PLCB1: variants seen among roughly 807,000 people sequenced by gnomAD.
The protein encoded by PLCB1 is 1-phosphatidylinositol 4,5-bisphosphate phosphodiesterase beta-1.
PLCB1 carries 46 observed loss-of-function variants against 161.8 expected under a neutral mutation model. That is an observed-to-expected ratio of 0.28 (90% CI 0.22 to 0.36). The LOEUF is 0.36. Ranked by LOEUF, PLCB1 falls within the 10% of genes least tolerant of loss-of-function variation. The probability of loss-of-function intolerance (pLI) is 1.00; values close to 1 mark genes in which losing one functional copy is unlikely to be tolerated. For missense variants in PLCB1, 1,016 were observed against 1,472.5 expected (o/e 0.69, Z 5.07); for synonymous variants, 517 against 503.7 (o/e 1.03, Z -0.35).
chr20:8,673,959 C>T (rs756996736), intron 9 of PLCB1, among the ~76,000 whole-genome samples: 2 of 152,090 alleles, frequency 1.3e-5, no homozygotes, highest in Non-Finnish European at 2.9e-5. Context: ...TTCCCAAGGG[C>T]GCAGTTGGCC....
At chr20:8,636,786 G>C (rs569747493) in intron 4 of PLCB1, among the ~76,000 whole-genome samples, 7 of 152,288 alleles carry the variant, frequency 4.6e-5, no homozygotes, top group African/African-American at 1.7e-4. Context: ...TCAACGCTGA[G>C]ACATAGAAAT....
chr20:8,455,101 G>A (rs1432647837), intron 3 of PLCB1, among the ~76,000 whole-genome samples: 1 of 151,394 alleles, frequency 6.6e-6, no homozygotes, highest in Non-Finnish European at 1.5e-5. Context: ...GGGAAGCCGA[G>A]GTGGGCAGAT....
At chr20:8,645,305 A>T (rs959493645) in intron 4 of PLCB1, among the ~76,000 whole-genome samples, 1 of 127,390 alleles carries the variant, frequency 7.8e-6, no homozygotes. Flanking sequence ...AATGATCAAT[A>T]AAAAAAAATA....
rs201813339 is a variant in PLCB1 at position 8,277,004 on chromosome 20, ATTATTATTATTG to A, written c.178-94374_178-94363del. Among the ~76,000 whole-genome samples, 845 of 140,096 alleles carry A rather than the reference ATTATTATTATTG, an allele frequency of 6.0e-3. 7 individuals are homozygous for A. The highest frequency in any genetic ancestry group is 0.017 in the African/African-American group (638 of 37,220). The allele number at this position is 140,096 out of a possible 152,430, so 91.9% of individuals were successfully genotyped here. ...TCTTCTTCTTATTATTATTATTATT[ATTATTATTATTG>A]TTAGAGATGGAGTCTCACTCTGTTG... On this transcript the variant is annotated intron_variant, in intron 2 of 31. Transcript: ENST00000338037.
At chr20:8,787,924 T>C (rs6056112) in intron 27 of PLCB1, among the ~76,000 whole-genome samples, 38,268 of 152,268 alleles carry the variant, frequency 0.25, 5,343 homozygotes, top group South Asian at 0.35. Flanking sequence ...AAACTCATGT[T>C]ATCCTCAAAG....
intron 2 of PLCB1, among the ~76,000 whole-genome samples, chr20:8,202,227 G>GT (rs2052100246): frequency 6.6e-6 from 1 of 152,128 alleles, no homozygotes; most frequent in Non-Finnish European, 1.5e-5. Flanking sequence ...ACAGGCATGC[G>GT]CACCATGCCC....
chr20:8,191,018 C>T lies in PLCB1; in HGVS notation c.177+40647C>T, dbSNP rs180873779. 1.6e-3 allele frequency among the ~76,000 whole-genome samples: 242 copies of T among 151,984 alleles called. 3 individuals carry two copies. The highest frequency in any genetic ancestry group is 9.1e-4 in the Non-Finnish European group (62 of 67,958). On this transcript the variant is annotated intron_variant, in intron 2 of 31. Transcript: ENST00000338037. Reference sequence around the variant, plus strand: ...GAGTTTAGAGAGGCTGAAATAAATCCGAGTTATGATAAAACAACCTCATTA... The same window carrying T: ...GAGTTTAGAGAGGCTGAAATAAATCTGAGTTATGATAAAACAACCTCATTA...
chr20:8,167,339 G>A (rs572899200), intron 2 of PLCB1, among the ~76,000 whole-genome samples: 2 of 152,290 alleles, frequency 1.3e-5, no homozygotes, highest in South Asian at 2.1e-4. Context: ...AAGTGCTGAT[G>A]TTTCAGAGAA....
At chr20:8,338,101 C>T (rs530202743) in intron 2 of PLCB1, among the ~76,000 whole-genome samples, 13 of 152,238 alleles carry the variant, frequency 8.5e-5, no homozygotes, top group South Asian at 4.1e-4. Context: ...GCGGTACTTC[C>T]GGACTGATTC....
At chr20:8,771,889 C>CTTCG (rs960572501) in intron 26 of PLCB1, among the ~76,000 whole-genome samples, 6 of 151,416 alleles carry the variant, frequency 4.0e-5, no homozygotes, top group African/African-American at 1.2e-4. Context: ...TCCTTCCTTC[C>CTTCG]TTCCTTCCTT....
chr20:8,687,711 A>C (rs1047103457), intron 10 of PLCB1, among the ~76,000 whole-genome samples: 2 of 152,190 alleles, frequency 1.3e-5, no homozygotes, highest in Non-Finnish European at 2.9e-5. Flanking sequence ...TATACATACC[A>C]CAGTTTCTAT....
intron 3 of PLCB1, among the ~76,000 whole-genome samples, chr20:8,428,136 G>A (rs1054430391): frequency 4.6e-5 from 7 of 152,080 alleles, no homozygotes; most frequent in African/African-American, 1.7e-4. Flanking sequence ...GACATTCTCA[G>A]CAACAACAGC....
Position 8,879,283 on chromosome 20 carries a change from C to T in PLCB1, c.3424-2339C>T, listed in dbSNP as rs145156684. ...GATAAACATACAAGTGCATGTCACACACTTTTTGATGTGAAAAAAAAAAAA... is the reference window on the plus strand; with the variant it reads ...GATAAACATACAAGTGCATGTCACATACTTTTTGATGTGAAAAAAAAAAAA... On this transcript the variant is annotated intron_variant, in intron 31 of 31. Coordinates refer to ENST00000338037, the MANE Select transcript of PLCB1 (RefSeq NM_015192.4). 2.8e-3 allele frequency among the ~76,000 whole-genome samples: 379 copies of T among 136,970 alleles called. 1 individual carries two copies. The highest frequency in any genetic ancestry group is 0.011 in the African/African-American group (366 of 34,044). The allele number at this position is 136,970 out of a possible 152,430, so 89.9% of individuals were successfully genotyped here. A position where few individuals can be genotyped will look rare whatever the true frequency, so the allele number is the denominator to read the frequency against.
chr20:8,487,864 C>T (rs1420623000), intron 3 of PLCB1, among the ~76,000 whole-genome samples: 1 of 152,074 alleles, frequency 6.6e-6, no homozygotes, highest in East Asian at 1.9e-4. Context: ...TGCACCCAGC[C>T]CTTGAGATGC....
intron 5 of PLCB1, among the ~76,000 whole-genome samples, chr20:8,646,912 A>G (rs1989184862): frequency 1.3e-5 from 2 of 152,200 alleles, no homozygotes; most frequent in Non-Finnish European, 1.5e-5. Flanking sequence ...TAGAAACATT[A>G]ATAGGTGGTC....
chr20:8,525,699 C>A (rs1984558758), intron 3 of PLCB1, among the ~76,000 whole-genome samples: 1 of 151,700 alleles, frequency 6.6e-6, no homozygotes, highest in African/African-American at 2.4e-5. Flanking sequence ...AAAGAAAAAT[C>A]AACTTTGTGC....
At chr20:8,674,004 C>T (rs1160073336) in intron 9 of PLCB1, among the ~76,000 whole-genome samples, 1 of 152,102 alleles carries the variant, frequency 6.6e-6, no homozygotes, top group Non-Finnish European at 1.5e-5. Flanking sequence ...CGGAAGCAGT[C>T]CTCAAACAGT....
rs547792469 is a variant in PLCB1 at position 8,364,391 on chromosome 20, C to T, written c.178-6991C>T. ...GAATGGAACCGATAATATCCGCAGG[C>T]ATTGGATCACCCACTTTTTCCCCAA... On this transcript the variant is annotated intron_variant, in intron 2 of 31. Transcript: ENST00000338037. Among the ~76,000 whole-genome samples the T allele has an allele frequency of 5.9e-5, 9 of 152,322 alleles. No homozygotes were observed. In the East Asian group the frequency reaches 1.7e-3, roughly 29 times the overall value.
chr20:8,844,799 A>G (rs1245003813), intron 31 of PLCB1, among the ~76,000 whole-genome samples: 1 of 152,100 alleles, frequency 6.6e-6, no homozygotes, highest in African/African-American at 2.4e-5. Flanking sequence ...CATGCATCTT[A>G]AAAGACTACG....
Sources: allele counts gnomAD v4.1 joint callset (sites outside exome capture counted in the v4.1 genomes callset), GRCh38; gene constraint gnomAD v4.1.1; transcripts MANE v1.5; gene names NCBI Gene and HGNC (gene_info 2026-07-23, HGNC 2026-07-21).